The following CBFA2T3 variants were observed in gnomAD, a reference collection of about 807,000 sequenced individuals.
CBFA2T3 encodes the protein CBFA2/RUNX1 partner transcriptional co-repressor 3.
A neutral mutation model predicts 58.6 loss-of-function variants in CBFA2T3; 31 were observed. That is an observed-to-expected ratio of 0.53 (90% confidence interval 0.40 to 0.71). The LOEUF (loss-of-function observed/expected upper bound fraction) is 0.71. Among genes scored for constraint, CBFA2T3 ranks in the 30% least tolerant of loss-of-function variants. The pLI is 0.00. For synonymous variants in CBFA2T3, 531 were observed against 421.9 expected, an observed-to-expected ratio of 1.26 and a Z score of -3.17; for missense variants, 1,076 against 963.1, an observed-to-expected ratio of 1.12 and a Z score of -1.55.
At chr16:88,921,158 A>G (rs57942617) in intron 1 of CBFA2T3, among the ~76,000 whole-genome samples, 7,653 of 152,344 alleles carry the variant, frequency 0.05, 463 homozygotes, top group African/African-American at 0.14. Flanking sequence ...TTTCTAGGAA[A>G]GGGGAGGAAA....
rs567524686 is a variant in CBFA2T3, at chr16:88,949,589, T to C, written c.151+27068A>G. Among the ~76,000 whole-genome samples, 5 of 147,626 alleles carry C rather than the reference T, an allele frequency of 3.4e-5. No homozygotes were observed. In the South Asian group the frequency reaches 8.7e-4, roughly 26 times the overall value. On this transcript the variant is annotated intron_variant, in intron 1 of 11. Coordinates refer to ENST00000268679, the MANE Select transcript of CBFA2T3 (RefSeq NM_005187.6). ...AAAAAAAAAAGAAAAAGAAAGAAGA[T>C]GGGCTGGGAGTGGGTGTGGGGACAA...
At chr16:88,938,786 C>G (rs1027914388) in intron 1 of CBFA2T3, 1 of 152,254 alleles carries the variant, frequency 6.6e-6, no homozygotes, top group Non-Finnish European at 1.5e-5. Context: ...TTCAGAGCCA[C>G]TTAATTCAAG....
At chr16:88,976,117 G>C (rs896165889) in intron 1 of CBFA2T3, among the ~76,000 whole-genome samples, 1 of 152,196 alleles carries the variant, frequency 6.6e-6, no homozygotes, top group Non-Finnish European at 1.5e-5. Context: ...CCCCCAGAAG[G>C]GCAGGCCCAG....
At chr16:88,880,855 C>T in intron 9 of CBFA2T3, 67 bp from the exon 10 acceptor site, 1 of 1,426,914 alleles carries the variant, frequency 7.0e-7, no homozygotes, top group African/African-American at 1.4e-5. Flanking sequence ...GGGGCCCTCC[C>T]CACCCTGGCT....
chr16:88,941,592 G>T (rs1046895042), intron 1 of CBFA2T3, among the ~76,000 whole-genome samples: 1 of 148,054 alleles, frequency 6.8e-6, no homozygotes, highest in African/African-American at 2.4e-5. Flanking sequence ...GGAGAGGGGA[G>T]AGGGGCGCGG....
chr16:88,943,000 C>T (rs551998333), intron 1 of CBFA2T3, among the ~76,000 whole-genome samples: 13 of 152,268 alleles, frequency 8.5e-5, no homozygotes, highest in Non-Finnish European at 1.9e-4. Context: ...GAAATTTATC[C>T]ATCCTGGCTC....
chr16:88,876,856 G>C lies in CBFA2T3; in HGVS notation c.*120C>G. On this transcript the variant is annotated 3_prime_UTR_variant, in exon 12 of 12. Coordinates refer to ENST00000268679, the MANE Select transcript of CBFA2T3 (RefSeq NM_005187.6). The stretch of plus-strand genomic sequence containing the variant: ...GTGACTAATTGGTCGGCTCCCCCAG[G>C]TCAGGCGGGGCGCAGTGTCTGGCAG... 1.3e-6 allele frequency: 1 copy of C among 785,766 alleles called. No individual in the cohort carries two copies. The highest frequency in any genetic ancestry group is 1.9e-6 in the Non-Finnish European group (1 of 537,530). 48.7% of individuals were successfully genotyped at this position (785,766 alleles called of 1,614,324 possible). A position where few individuals can be genotyped will look rare whatever the true frequency, so the allele number is the denominator to read the frequency against.
chr16:88,893,138 C>T (rs1940103670), intron 3 of CBFA2T3, among the ~76,000 whole-genome samples: 1 of 152,096 alleles, frequency 6.6e-6, no homozygotes, highest in Non-Finnish European at 1.5e-5. Flanking sequence ...TGTTCCCAAG[C>T]AATACCCCCA....
chr16:88,962,496 G>T (rs1232941316), intron 1 of CBFA2T3, among the ~76,000 whole-genome samples: 1 of 152,216 alleles, frequency 6.6e-6, no homozygotes, highest in Admixed American at 6.5e-5. Context: ...GAAAAGCATT[G>T]TGATCCATTA....
Position 88,885,033 on chromosome 16 carries a change from C to G in CBFA2T3, c.1117+13G>C. On this transcript the variant is annotated intron_variant, in intron 7 of 11. Transcript: ENST00000268679. The surrounding 1 kb of genome is among the most constrained non-coding windows in gnomAD (Gnocchi z 5.3). ...AACACGCGTCCACGCTCCCGCCCCACCGGGCTGCTCACCAAGCGGCCGATG... is the reference window on the plus strand; with the variant it reads ...AACACGCGTCCACGCTCCCGCCCCAGCGGGCTGCTCACCAAGCGGCCGATG... 1 of 1,583,470 alleles carries G rather than the reference C, an allele frequency of 6.3e-7. No homozygotes were observed. The highest frequency in any genetic ancestry group is 2.3e-5 in the East Asian group (1 of 44,386).
At chr16:88,924,623 C>T (rs1368092690) in intron 1 of CBFA2T3, among the ~76,000 whole-genome samples, 1 of 152,204 alleles carries the variant, frequency 6.6e-6, no homozygotes. Context: ...CAAGGCAGCA[C>T]AGGACAAGCC....
rs144684343 is a variant in CBFA2T3, at chr16:88,897,572, G to A, written c.379+506C>T. 1.7e-4 allele frequency among the ~76,000 whole-genome samples: 26 copies of A among 152,344 alleles called. No individual in the cohort carries two copies. In the East Asian group the frequency reaches 2.7e-3, roughly 16 times the overall value. ...CATGTGCCCGGCCCCACCATCTGAC[G>A]GCTCCTGGAGATCACCATTGGCACT... On this transcript the variant is annotated intron_variant, in intron 3 of 11. Transcript: ENST00000268679.
chr16:88,881,573 C>T (rs2272435), intron 8 of CBFA2T3, 84 bp from the exon 9 acceptor site: 23,517 of 1,414,492 alleles, frequency 0.017, 274 homozygotes, highest in East Asian at 0.026. Flanking sequence ...GCCAGAGCCC[C>T]GGACAGGATG....
intron 2 of CBFA2T3, among the ~76,000 whole-genome samples, chr16:88,900,129 T>C (rs1970042312): frequency 6.6e-6 from 1 of 152,004 alleles, no homozygotes. Context: ...AAATCGTGAG[T>C]GCGGCGTCCC....
At chr16:88,926,470 G>C (rs1321803890) in intron 1 of CBFA2T3, among the ~76,000 whole-genome samples, 1 of 152,220 alleles carries the variant, frequency 6.6e-6, no homozygotes, top group East Asian at 1.9e-4. Context: ...GGTCGAGGCT[G>C]AGCGACCTCT....
At chr16:88,975,507 G>A (rs1972833303) in intron 1 of CBFA2T3, among the ~76,000 whole-genome samples, 1 of 152,268 alleles carries the variant, frequency 6.6e-6, no homozygotes, top group Non-Finnish European at 1.5e-5. Flanking sequence ...GAAGCACCCG[G>A]CCCAAGGCCA....
Position 88,880,713 on chromosome 16 carries a change from C to A in CBFA2T3, c.1471+7G>T, listed in dbSNP as rs974950837. ...TCTGCTGGCCAGGCCCCTGCACCCC[C>A]ACTCACCAGCCTTCCTCCAGATGTC... On this transcript the variant is annotated splice_region_variant and intron_variant, in intron 10 of 11. Coordinates refer to ENST00000268679, the MANE Select transcript of CBFA2T3 (RefSeq NM_005187.6). 22 of 1,555,964 alleles carry A rather than the reference C, an allele frequency of 1.4e-5. No individual in the cohort carries two copies. Among genetic ancestry groups the A allele is most frequent in the Non-Finnish European group, 1.8e-5 (21 of 1,152,146 alleles).
chr16:88,966,680 C>A (rs1174131953), intron 1 of CBFA2T3, among the ~76,000 whole-genome samples: 1 of 152,156 alleles, frequency 6.6e-6, no homozygotes, highest in Non-Finnish European at 1.5e-5. Context: ...CCTCCAGAAC[C>A]ACTGCCTGCC....
At chr16:88,887,767 A>C (rs1969440469) in intron 5 of CBFA2T3, among the ~76,000 whole-genome samples, 1 of 152,070 alleles carries the variant, frequency 6.6e-6, no homozygotes, top group Non-Finnish European at 1.5e-5. Flanking sequence ...ACACACACTG[A>C]GCTGGTCAAA....
Sources: gnomAD v4.1 joint callset for allele counts (sites outside exome capture counted in the v4.1 genomes callset) on GRCh38, gnomAD v4.1.1 for gene constraint, Gnocchi (gnomAD v3.1) non-coding constraint, MANE v1.5 for transcripts, NCBI Gene and HGNC (gene_info 2026-07-23, HGNC 2026-07-21) for gene names.